WSCD1: variants seen among roughly 807,000 people sequenced by gnomAD.
WSCD1 encodes sialate:O-sulfotransferase 1.
WSCD1 carries 41 observed loss-of-function variants against 60.4 expected under a neutral mutation model. The ratio of observed to expected loss-of-function variants is 0.68; its 90% confidence interval spans 0.53 to 0.88. The LOEUF (loss-of-function observed/expected upper bound fraction) is 0.88. Ranked by LOEUF, WSCD1 falls within the 40% of genes least tolerant of loss-of-function variation. The probability of loss-of-function intolerance (pLI) is 0.00; values close to 1 mark genes in which losing one functional copy is unlikely to be tolerated. For synonymous variants in WSCD1, 361 were observed against 332.5 expected (o/e 1.09, Z -0.93); for missense variants, 784 against 796.2 (o/e 0.98, Z 0.18).
chr17:6,101,923 T>G lies in WSCD1; in HGVS notation c.849+6700T>G, dbSNP rs1247140783. Among the ~76,000 whole-genome samples, 1 of 152,248 alleles carries G rather than the reference T, an allele frequency of 6.6e-6. No individual in the cohort carries two copies. Among genetic ancestry groups the G allele is most frequent in the African/African-American group, 2.4e-5 (1 of 41,454 alleles). The stretch of plus-strand genomic sequence containing the variant: ...CGAAAGGAGGCTGATGAGCGAAATC[T>G]AACACCATCTGCAAATAGGTTACTA... On this transcript the variant is annotated intron_variant, in intron 5 of 8. Transcript: ENST00000317744. The surrounding 1 kb of genome is among the most constrained non-coding windows in gnomAD (Gnocchi z 4.1).
intron 6 of WSCD1, 87 bp downstream of exon 6, chr17:6,109,853 A>G: frequency 6.5e-7 from 1 of 1,532,188 alleles, no homozygotes; most frequent in Non-Finnish European, 8.9e-7. Flanking sequence ...GTCATGGCCA[A>G]GCATGCAGTT....
intron 1 of WSCD1, among the ~76,000 whole-genome samples, chr17:6,079,053 G>C (rs1377735262): frequency 6.6e-6 from 1 of 152,250 alleles, no homozygotes; most frequent in Non-Finnish European, 1.5e-5. Flanking sequence ...AGCCGACCCA[G>C]ATTTCCAGAT....
At chr17:6,108,529 G>T (rs1465948437) in intron 5 of WSCD1, among the ~76,000 whole-genome samples, 2 of 152,134 alleles carry the variant, frequency 1.3e-5, no homozygotes, top group African/African-American at 4.8e-5. Flanking sequence ...ATACATTTTT[G>T]AGCAAGACAC....
intron 7 of WSCD1, among the ~76,000 whole-genome samples, chr17:6,116,814 G>A (rs1326978825): frequency 6.6e-6 from 1 of 152,208 alleles, no homozygotes; most frequent in East Asian, 1.9e-4. Context: ...TTCCTGCAGA[G>A]GGGCAGGTGG....
intron 2 of WSCD1, among the ~76,000 whole-genome samples, chr17:6,084,146 G>T (rs892380974): frequency 1.3e-5 from 2 of 152,230 alleles, no homozygotes; most frequent in Admixed American, 6.5e-5. Flanking sequence ...CAAAGAGAGG[G>T]TTAATGTGAT....
At chr17:6,094,813 A>AGGGAGGGAG (rs1910308650) in intron 4 of WSCD1, among the ~76,000 whole-genome samples, 1 of 151,894 alleles carries the variant, frequency 6.6e-6, no homozygotes, top group African/African-American at 2.4e-5. Flanking sequence ...GGAGGAAGGG[A>AGGGAGGGAG]GGAAGGAATG....
At chr17:6,092,607 T>C (rs978497928) in intron 4 of WSCD1, among the ~76,000 whole-genome samples, 2 of 152,176 alleles carry the variant, frequency 1.3e-5, no homozygotes, top group African/African-American at 4.8e-5. Context: ...ACGGGCTTCC[T>C]GAGGACCAAA....
intron 8 of WSCD1, among the ~76,000 whole-genome samples, 181 bp from the exon 9 acceptor site, chr17:6,120,128 C>T (rs891928720): frequency 2.0e-5 from 3 of 152,224 alleles, no homozygotes; most frequent in Non-Finnish European, 4.4e-5. Flanking sequence ...GCTGCCCCCA[C>T]CCACCACGGA....
intron 2 of WSCD1, among the ~76,000 whole-genome samples, chr17:6,087,468 C>T (rs559321294): frequency 2.0e-5 from 3 of 152,334 alleles, no homozygotes; most frequent in South Asian, 2.1e-4. Flanking sequence ...CCTCTTGGGA[C>T]GACAGACTTT....
In WSCD1 at chr17:6,080,410, A is replaced by C; in HGVS notation, c.-249A>C. 1.7e-5 allele frequency: 9 copies of C among 514,896 alleles called. No homozygotes were observed. Among genetic ancestry groups the C allele is most frequent in the East Asian group, 7.1e-5 (2 of 28,246 alleles). 31.9% of individuals were successfully genotyped at this position (514,896 alleles called of 1,614,324 possible). A position where few individuals can be genotyped will look rare whatever the true frequency, so the allele number is the denominator to read the frequency against. On this transcript the variant is annotated 5_prime_UTR_variant, in exon 2 of 9. It removes an upstream start codon present in the reference 5' UTR. Coordinates refer to ENST00000317744, the MANE Select transcript of WSCD1 (RefSeq NM_015253.2). This position sits in a 1 kb window ranked among gnomAD's most constrained non-coding sequence, Gnocchi z 6.6. ...AGATGAGGGGCGGTAGAGCCCTGGA[A>C]TGGAGATGTCCTTGACGCCTGGGCA...
In WSCD1 at chr17:6,080,529, C is replaced by T. The variant is rs1459882038; in HGVS notation, c.-130C>T. 5 of 937,408 alleles carry T rather than the reference C, an allele frequency of 5.3e-6. No homozygotes were observed. The highest frequency in any genetic ancestry group is 6.5e-6 in the Non-Finnish European group (4 of 615,848). 58.1% of individuals were successfully genotyped at this position (937,408 alleles called of 1,614,324 possible). The stretch of plus-strand genomic sequence containing the variant: ...AACGGGGCAGGAACAGTGAGTGACC[C>T]CAGGCGAGCACAGGCAGGTGCCAGG... On this transcript the variant is annotated 5_prime_UTR_variant, in exon 2 of 9. Transcript: ENST00000317744. The surrounding 1 kb of genome is among the most constrained non-coding windows in gnomAD (Gnocchi z 6.6).
intron 5 of WSCD1, among the ~76,000 whole-genome samples, chr17:6,104,728 A>G (rs1910990445): frequency 6.6e-6 from 1 of 152,150 alleles, no homozygotes; most frequent in Admixed American, 6.5e-5. Context: ...GCTAACCTCC[A>G]TATTGGTTTG....
At chr17:6,084,997 G>T (rs1445872534) in intron 2 of WSCD1, 1 of 152,200 alleles carries the variant, frequency 6.6e-6, no homozygotes, top group Non-Finnish European at 1.5e-5. Flanking sequence ...CCATCAAATG[G>T]CCAGCTGGTC....
chr17:6,080,792 GC>G lies in WSCD1; in HGVS notation c.139del (p.Arg47GlyfsTer46). 2 of 1,610,462 alleles carry G rather than the reference GC, an allele frequency of 1.2e-6. No homozygotes were observed. The highest frequency in any genetic ancestry group is 1.7e-5 in the Admixed American group (1 of 59,794). On this transcript the variant is annotated frameshift_variant, in exon 2 of 9. Coordinates refer to ENST00000317744, the MANE Select transcript of WSCD1 (RefSeq NM_015253.2). LOFTEE classifies it high-confidence loss of function. The surrounding 1 kb of genome is among the most constrained non-coding windows in gnomAD (Gnocchi z 6.6). ...LQRVRVALPQ[G>X]PRAPGPLQTL... ...CGGGTCCGCGTGGCTCTCCCACAGG[GC>G]CCCCGGGCACCCGGCCCCCTGCAGA...
intron 1 of WSCD1, among the ~76,000 whole-genome samples, chr17:6,079,091 C>T (rs1909058801): frequency 6.6e-6 from 1 of 152,232 alleles, no homozygotes; most frequent in African/African-American, 2.4e-5. Flanking sequence ...GCCTCGGAAC[C>T]TGGCGGCCCT....
At chr17:6,095,304 C>T (rs1273966580) in intron 5 of WSCD1, 81 bp downstream of exon 5, 2 of 1,478,406 alleles carry the variant, frequency 1.4e-6, no homozygotes, top group East Asian at 2.6e-5. Flanking sequence ...ATGTGCTGGG[C>T]TGCGGGTGTC....
intron 8 of WSCD1, among the ~76,000 whole-genome samples, 174 bp from the exon 9 acceptor site, chr17:6,120,135 C>T (rs1009577147): frequency 3.3e-5 from 5 of 152,218 alleles, no homozygotes; most frequent in Non-Finnish European, 5.9e-5. Flanking sequence ...CCACCCACCA[C>T]GGACACACTG....
intron 5 of WSCD1, among the ~76,000 whole-genome samples, chr17:6,100,539 G>A (rs1405517359): frequency 6.6e-6 from 1 of 152,210 alleles, no homozygotes; most frequent in African/African-American, 2.4e-5. Context: ...TGTACTGTTA[G>A]CCCCTCAGCT....
In WSCD1 at chr17:6,120,374, T is replaced by C. The variant is rs749858282; in HGVS notation, c.1441T>C (p.Tyr481His). Residue 481 changes from tyrosine to histidine, a missense_variant, in exon 9 of 9, where the codon TAC becomes CAC. Coordinates refer to ENST00000317744, the MANE Select transcript of WSCD1 (RefSeq NM_015253.2). The part of the protein sequence containing the change: ...WSSHVLDWLK[Y>H]GKRLLVVHYE... ...CTCGCACGTCCTGGACTGGCTCAAGTACGGGAAGCGGCTGCTGGTGGTGCA... is the reference window on the plus strand; with the variant it reads ...CTCGCACGTCCTGGACTGGCTCAAGCACGGGAAGCGGCTGCTGGTGGTGCA... 1 of 1,614,096 alleles carries C rather than the reference T, an allele frequency of 6.2e-7. No individual in the cohort carries two copies. The highest frequency in any genetic ancestry group is 8.5e-7 in the Non-Finnish European group (1 of 1,180,032).
Sources: allele counts gnomAD v4.1 joint callset (sites outside exome capture counted in the v4.1 genomes callset), GRCh38; gene constraint gnomAD v4.1.1; non-coding constraint Gnocchi (gnomAD v3.1); transcripts MANE v1.5; gene names NCBI Gene and HGNC (gene_info 2026-07-23, HGNC 2026-07-21).